The following LEMD3 variants were observed in gnomAD, a reference collection of about 807,000 sequenced individuals.
LEMD3 encodes the protein inner nuclear membrane protein Man1.
LEMD3 carries 33 observed loss-of-function variants against 95.2 expected under a neutral mutation model. The observed-to-expected ratio is 0.35, with a 90% confidence interval of 0.26 to 0.46. The LOEUF (loss-of-function observed/expected upper bound fraction) is 0.46. Among genes scored for constraint, LEMD3 ranks in the 20% least tolerant of loss-of-function variants. The pLI is 1.00. For missense variants in LEMD3, 1,210 were observed against 1,192.8 expected (o/e 1.01, Z -0.21); for synonymous variants, 525 against 474.6 (o/e 1.11, Z -1.38).
At chr12:65,216,802 T>C (rs577221896) in intron 3 of LEMD3, among the ~76,000 whole-genome samples, 1 of 152,244 alleles carries the variant, frequency 6.6e-6, no homozygotes, top group African/African-American at 2.4e-5. Flanking sequence ...TGAATGGAGG[T>C]ATTTAGGATC....
At chr12:65,241,199 G>A (rs73314766) in intron 9 of LEMD3, 112 bp downstream of exon 9, 10 of 871,408 alleles carry the variant, frequency 1.1e-5, no homozygotes, top group East Asian at 2.6e-5. Context: ...AAACTCTCTC[G>A]TTCTGTTTCG....
rs932800195 is a variant in LEMD3, at chr12:65,170,248, G to C, written c.652G>C (p.Glu218Gln). Residue 218 changes from glutamate (E) to glutamine (Q), a missense_variant, in exon 1 of 13, where the codon GAG becomes CAG. Around this residue, in one of 2 missense-constraint regions of LEMD3, gnomAD observed 749 missense variants for 622.9 expected, o/e 1.20. Coordinates refer to ENST00000308330, the MANE Select transcript of LEMD3 (RefSeq NM_014319.5). ...CCCGCCGGGGAAAGATGGAGCAGTG[G>C]AGGACGAGGAAGGGGAGGGAGAGGA... Reference protein sequence around the residue: ...QTPPGKDGAVEDEEGEGEDGE... With the variant: ...QTPPGKDGAVQDEEGEGEDGE... 2.8e-5 allele frequency: 44 copies of C among 1,549,558 alleles called. 1 individual carries two copies. Among genetic ancestry groups the C allele is most frequent in the Admixed American group, 1.8e-4 (9 of 50,810 alleles).
chr12:65,188,240 A>G (rs1869126853), intron 1 of LEMD3, among the ~76,000 whole-genome samples: 1 of 152,136 alleles, frequency 6.6e-6, no homozygotes, highest in African/African-American at 2.4e-5. Context: ...TTTAAACATT[A>G]AAATCATACT....
chr12:65,209,163 C>CT (rs1869854492), intron 1 of LEMD3, among the ~76,000 whole-genome samples: 2 of 152,100 alleles, frequency 1.3e-5, no homozygotes, highest in Non-Finnish European at 2.9e-5. Flanking sequence ...ATAACACACG[C>CT]TCCCTGTCTT....
At chr12:65,175,317 A>G (rs1418672331) in intron 1 of LEMD3, among the ~76,000 whole-genome samples, 2 of 152,140 alleles carry the variant, frequency 1.3e-5, no homozygotes, top group Non-Finnish European at 2.9e-5. Flanking sequence ...TCCCTTTCTC[A>G]TCCTATAAAA....
At position 65,170,041 on chromosome 12, in the gene LEMD3, A is replaced by G. The variant is rs1371614644; in HGVS notation, c.445A>G (p.Ser149Gly). 6.6e-7 allele frequency: 1 copy of G among 1,517,972 alleles called. No individual in the cohort carries two copies. The highest frequency in any genetic ancestry group is 8.8e-7 in the Non-Finnish European group (1 of 1,140,666). The allele number at this position is 1,517,972 out of a possible 1,614,324, so 94.0% of individuals were successfully genotyped here. A position where few individuals can be genotyped will look rare whatever the true frequency, so the allele number is the denominator to read the frequency against. Residue 149 changes from serine (S) to glycine (G), a missense_variant, in exon 1 of 13, where the codon AGT becomes GGT. By Grantham distance (56) the Ser-to-Gly change is moderately conservative (BLOSUM62 0). Transcript: ENST00000308330. ...CTCGGACGAGTCGGACGTGGAGGCC[A>G]GTCCCCGGGACCAGGCCGGCGGCGG... Reference protein sequence around the residue: ...FSSDESDVEASPRDQAGGGGR... With the variant: ...FSSDESDVEAGPRDQAGGGGR...
At chr12:65,211,750 T>A (rs1189572849) in intron 2 of LEMD3, among the ~76,000 whole-genome samples, 1 of 152,218 alleles carries the variant, frequency 6.6e-6, no homozygotes, top group African/African-American at 2.4e-5. Flanking sequence ...AGTTGGCTTT[T>A]TCAGTTGCCT....
At chr12:65,229,866 G>A (rs1870569064) in intron 4 of LEMD3, among the ~76,000 whole-genome samples, 1 of 152,134 alleles carries the variant, frequency 6.6e-6, no homozygotes, top group South Asian at 2.1e-4. Flanking sequence ...TTGCATTTGT[G>A]TCTTCTCCAT....
chr12:65,178,204 A>G (rs1868788570), intron 1 of LEMD3, among the ~76,000 whole-genome samples: 2 of 149,372 alleles, frequency 1.3e-5, no homozygotes, highest in Admixed American at 1.3e-4. Flanking sequence ...TTACGAGTTG[A>G]CTGCTTTGTA....
chr12:65,235,221 T>G (rs1172329127), intron 4 of LEMD3, among the ~76,000 whole-genome samples: 5 of 152,142 alleles, frequency 3.3e-5, no homozygotes, highest in Non-Finnish European at 7.4e-5. Flanking sequence ...AATAATGTTG[T>G]CTTCAGCTAC....
rs1403688461 is a variant in LEMD3, at chr12:65,170,449, C to T, written c.853C>T (p.Arg285Trp). Residue 285 changes from arginine to tryptophan, a missense_variant, in exon 1 of 13, where the codon CGG becomes TGG. Arg to Trp is a moderately radical substitution (Grantham distance 101). Around this residue, in one of 2 missense-constraint regions of LEMD3, gnomAD observed 749 missense variants for 622.9 expected, o/e 1.20. Transcript: ENST00000308330. ...AAAGGACGACTCCCTTTCCCGGCAT[C>T]GGCCCAGACGAACCCATAGTAAGCC... ...VLKDDSLSRH[R>W]PRRTHSKPLP... The T allele has an allele frequency of 6.2e-7, 1 of 1,614,150 alleles. No homozygotes were observed. The highest frequency in any genetic ancestry group is 8.5e-7 in the Non-Finnish European group (1 of 1,180,032).
intron 1 of LEMD3, 74 bp downstream of exon 1, chr12:65,171,192 T>C (rs1252075198): frequency 6.3e-7 from 1 of 1,595,344 alleles, no homozygotes; most frequent in Non-Finnish European, 8.5e-7. Context: ...CGCTTAGCGT[T>C]TTACATGAAG....
At chr12:65,229,598 C>T (rs1167874445) in intron 4 of LEMD3, among the ~76,000 whole-genome samples, 2 of 152,126 alleles carry the variant, frequency 1.3e-5, no homozygotes, top group Non-Finnish European at 2.9e-5. Flanking sequence ...GTGAATATCT[C>T]ATTGTGGTTT....
intron 1 of LEMD3, among the ~76,000 whole-genome samples, chr12:65,204,603 A>G (rs1435373590): frequency 1.3e-5 from 2 of 152,120 alleles, no homozygotes; most frequent in African/African-American, 4.8e-5. Context: ...GGTTGATTCC[A>G]TGTCTTTGCT....
intron 8 of LEMD3, chr12:65,240,599 A>G (rs1212654503): frequency 2.4e-6 from 1 of 412,370 alleles, no homozygotes; most frequent in East Asian, 4.7e-5. Context: ...TGAAGCTTTT[A>G]AAGTAAAAAC....
intron 1 of LEMD3, among the ~76,000 whole-genome samples, chr12:65,201,504 T>C (rs7960074): frequency 0.47 from 71,757 of 151,908 alleles, 17,670 homozygotes; most frequent in African/African-American, 0.61. Context: ...TCATGTAGAT[T>C]TTGTACATGT....
At chr12:65,245,961 A>G (rs760019121) in intron 12 of LEMD3, 22 bp downstream of exon 12, 3 of 1,539,372 alleles carry the variant, frequency 1.9e-6, no homozygotes, top group Admixed American at 3.3e-5. Flanking sequence ...GAGTACTACA[A>G]ACATTTTGAA....
chr12:65,185,955 C>G (rs1276835412), intron 1 of LEMD3, among the ~76,000 whole-genome samples: 1 of 151,984 alleles, frequency 6.6e-6, no homozygotes, highest in Non-Finnish European at 1.5e-5. Flanking sequence ...ATCCCAGTAG[C>G]TCTATGGTAG....
At chr12:65,224,559 A>G (rs1870391901) in intron 4 of LEMD3, among the ~76,000 whole-genome samples, 1 of 151,026 alleles carries the variant, frequency 6.6e-6, no homozygotes, top group African/African-American at 2.4e-5. Context: ...GTTTTCTTTC[A>G]GTACTTTGAA....
Sources: allele counts gnomAD v4.1 joint callset (sites outside exome capture counted in the v4.1 genomes callset), GRCh38; gene constraint gnomAD v4.1.1; regional missense constraint gnomAD v4.1.1; transcripts MANE v1.5; gene names NCBI Gene and HGNC (gene_info 2026-07-23, HGNC 2026-07-21).